The following CAPS2 variants were observed in gnomAD, a reference collection of about 807,000 sequenced individuals.
CAPS2 encodes the protein calcyphosin-2.
CAPS2 carries 98 observed loss-of-function variants against 86.5 expected under a neutral mutation model. That is an observed-to-expected ratio of 1.13 (90% CI 0.96 to 1.34). The LOEUF is 1.34. CAPS2 is among the 40% of genes most tolerant of loss of function. CAPS2 has a pLI of 0.00. For synonymous variants in CAPS2, 210 were observed against 225.1 expected (o/e 0.93, Z 0.60); for missense variants, 729 against 686.8 (o/e 1.06, Z -0.69).
intron 1 of CAPS2, among the ~76,000 whole-genome samples, chr12:75,336,285 A>G (rs2041733775): frequency 6.6e-6 from 1 of 151,882 alleles, no homozygotes; most frequent in African/African-American, 2.4e-5. Flanking sequence ...GGAACAAGGA[A>G]CAAAAGAACA....
exon 11 of CAPS2, chr12:75,298,773 C>T (rs185985655): frequency 3.7e-6 from 6 of 1,612,436 alleles, no homozygotes; most frequent in African/African-American, 1.3e-5. Context: ...AAAGGAAGCA[C>T]ATTTGTTCTA....
chr12:75,280,547 T>C (rs555180398), intron 16 of CAPS2, among the ~76,000 whole-genome samples: 74 of 151,744 alleles, frequency 4.9e-4, no homozygotes, highest in African/African-American at 1.8e-3. Flanking sequence ...ATAATATTAT[T>C]AGATGAGAAA....
chr12:75,342,769 T>A (rs921744686), intron 1 of CAPS2, among the ~76,000 whole-genome samples: 6 of 152,174 alleles, frequency 3.9e-5, no homozygotes, highest in Admixed American at 2.0e-4. Context: ...ATAATCAATA[T>A]TCTTTTGCAA....
chr12:75,325,502 G>T (rs1410372285), intron 1 of CAPS2: 1 of 159,916 alleles, frequency 6.3e-6, no homozygotes, highest in Non-Finnish European at 1.3e-5. Context: ...ATAGCACTCT[G>T]CTGGAGAAGA....
At chr12:75,279,811 G>T (rs2033583036) in intron 16 of CAPS2, among the ~76,000 whole-genome samples, 1 of 151,986 alleles carries the variant, frequency 6.6e-6, no homozygotes, top group Non-Finnish European at 1.5e-5. Context: ...TTGAATGTTA[G>T]TCAAGGCTAA....
At chr12:75,280,781 T>C (rs187635948) in intron 16 of CAPS2, among the ~76,000 whole-genome samples, 1 of 151,952 alleles carries the variant, frequency 6.6e-6, no homozygotes, top group Admixed American at 6.6e-5. Context: ...TGGAATCCAG[T>C]GATGATTAGT....
chr12:75,343,580 C>A, intron 1 of CAPS2: 13 of 811,764 alleles, frequency 1.6e-5, no homozygotes, highest in Admixed American at 3.1e-5. Flanking sequence ...CAAAGAAAAA[C>A]TACATCTTAT....
chr12:75,297,282 G>A (rs978788927), intron 11 of CAPS2, among the ~76,000 whole-genome samples: 4 of 152,070 alleles, frequency 2.6e-5, no homozygotes, highest in Admixed American at 6.6e-5. Flanking sequence ...AATGGGAGTC[G>A]AGCTGATTTT....
intron 1 of CAPS2, among the ~76,000 whole-genome samples, chr12:75,359,665 A>G (rs1217380826): frequency 6.6e-6 from 1 of 152,166 alleles, no homozygotes; most frequent in East Asian, 1.9e-4. Flanking sequence ...TACAGAGATC[A>G]GAAATAGACT....
intron 15 of CAPS2, among the ~76,000 whole-genome samples, 171 bp downstream of exon 15, chr12:75,284,790 C>T (rs2034578185): frequency 6.6e-6 from 1 of 151,942 alleles, no homozygotes; most frequent in Non-Finnish European, 1.5e-5. Flanking sequence ...AGTTATTTTG[C>T]TTCATTCTGG....
At chr12:75,298,220 C>G (rs1222763212) in intron 11 of CAPS2, 1 of 160,524 alleles carries the variant, frequency 6.2e-6, no homozygotes, top group African/African-American at 2.4e-5. Flanking sequence ...TGACACACCA[C>G]ATGCCGGGAA....
chr12:75,300,114 G>A (rs2037565328), intron 8 of CAPS2, among the ~76,000 whole-genome samples: 1 of 152,102 alleles, frequency 6.6e-6, no homozygotes, highest in South Asian at 2.1e-4. Flanking sequence ...TATAATACGT[G>A]AATGACTTTT....
intron 1 of CAPS2, among the ~76,000 whole-genome samples, chr12:75,352,956 C>G (rs911453196): frequency 6.6e-6 from 1 of 151,898 alleles, no homozygotes; most frequent in Non-Finnish European, 1.5e-5. Context: ...ATAAGAACAA[C>G]GATATAACAC....
chr12:75,339,679 G>A (rs1430138106), intron 1 of CAPS2, among the ~76,000 whole-genome samples: 1 of 152,060 alleles, frequency 6.6e-6, no homozygotes, highest in East Asian at 1.9e-4. Context: ...TGTCCTGAAT[G>A]GTATTGCCTA....
At chr12:75,323,506 G>A (rs1385120721) in intron 2 of CAPS2, among the ~76,000 whole-genome samples, 1 of 152,190 alleles carries the variant, frequency 6.6e-6, no homozygotes, top group Admixed American at 6.5e-5. Context: ...CACTTTGGGA[G>A]GCCGAGGCAG....
intron 5 of CAPS2, among the ~76,000 whole-genome samples, chr12:75,318,855 C>T (rs763358663): frequency 8.6e-5 from 13 of 151,988 alleles, no homozygotes; most frequent in Non-Finnish European, 1.8e-4. Flanking sequence ...CTGACTTACC[C>T]CCAGTGCCTG....
chr12:75,370,091 C>A, intron 1 of CAPS2: 1 of 1,598,050 alleles, frequency 6.3e-7, no homozygotes, highest in Non-Finnish European at 8.6e-7. Flanking sequence ...ACAGAAAATC[C>A]ATTTCTGAAG....
intron 8 of CAPS2, among the ~76,000 whole-genome samples, chr12:75,302,922 T>C (rs939394871): frequency 6.6e-6 from 1 of 152,120 alleles, no homozygotes; most frequent in African/African-American, 2.4e-5. Flanking sequence ...CTGCTACTGG[T>C]GGGAGTGTAA....
exon 17 of CAPS2, chr12:75,277,472 C>A (rs2033133800): frequency 1.1e-6 from 1 of 911,564 alleles, no homozygotes; most frequent in Non-Finnish European, 1.3e-6. Context: ...TTATTTCTGC[C>A]AAAATGTCTT....
Sources: gnomAD v4.1 joint callset for allele counts (sites outside exome capture counted in the v4.1 genomes callset) on GRCh38, gnomAD v4.1.1 for gene constraint, MANE v1.5 for transcripts, NCBI Gene and HGNC (gene_info 2026-07-23, HGNC 2026-07-21) for gene names.